The following PDZD2 variants were observed in gnomAD, a reference collection of about 807,000 sequenced individuals.
PDZD2 encodes the protein PDZ domain-containing protein 2.
A neutral mutation model predicts 220.7 loss-of-function variants in PDZD2; 90 were observed. That is an observed-to-expected ratio of 0.41 (90% CI 0.34 to 0.49). The LOEUF is 0.49. Ranked by LOEUF, PDZD2 falls within the 20% of genes least tolerant of loss-of-function variation. The probability of loss-of-function intolerance (pLI) is 0.28; values close to 1 mark genes in which losing one functional copy is unlikely to be tolerated. For synonymous variants in PDZD2, 1,375 were observed against 1,450.5 expected (o/e 0.95, Z 1.18); for missense variants, 3,174 against 3,608.5 (o/e 0.88, Z 3.08).
At chr5:31,964,848 T>C (rs10940985) in intron 2 of PDZD2, among the ~76,000 whole-genome samples, 70,948 of 152,002 alleles carry the variant, frequency 0.47, 16,964 homozygotes, top group East Asian at 0.8. Flanking sequence ...CCCGAGGAGC[T>C]GGGACTACAG....
At chr5:31,928,246 A>C (rs899703894) in intron 2 of PDZD2, among the ~76,000 whole-genome samples, 5 of 152,164 alleles carry the variant, frequency 3.3e-5, no homozygotes, top group African/African-American at 9.7e-5. Context: ...CATTTGATAA[A>C]GTAAGATTTG....
At chr5:32,053,541 A>G (rs1392963335) in intron 9 of PDZD2, among the ~76,000 whole-genome samples, 1 of 152,214 alleles carries the variant, frequency 6.6e-6, no homozygotes, top group East Asian at 1.9e-4. Flanking sequence ...CCTTAATGTA[A>G]TGCATGGCTA....
chr5:32,051,059 T>C (rs1200567900), intron 8 of PDZD2, among the ~76,000 whole-genome samples: 3 of 152,166 alleles, frequency 2.0e-5, no homozygotes, highest in African/African-American at 7.2e-5. Context: ...TCTAGAAAGT[T>C]CAAGGAGATC....
At chr5:31,697,392 A>G (rs1215576093) in intron 1 of PDZD2, among the ~76,000 whole-genome samples, 2 of 152,218 alleles carry the variant, frequency 1.3e-5, no homozygotes, top group African/African-American at 4.8e-5. Flanking sequence ...GAACCCTGGA[A>G]GCAGAGGTTG....
At chr5:31,793,041 T>A (rs1295012620) in intron 1 of PDZD2, among the ~76,000 whole-genome samples, 1 of 151,498 alleles carries the variant, frequency 6.6e-6, no homozygotes, top group Non-Finnish European at 1.5e-5. Flanking sequence ...TTTCACCATG[T>A]TGGCCAGGCT....
intron 1 of PDZD2, among the ~76,000 whole-genome samples, chr5:31,735,399 G>T (rs1362364820): frequency 6.6e-6 from 1 of 152,218 alleles, no homozygotes; most frequent in Non-Finnish European, 1.5e-5. Context: ...AGATAAAAGT[G>T]TAAGAGATGA....
At chr5:31,694,761 T>C (rs750138452) in intron 1 of PDZD2, among the ~76,000 whole-genome samples, 1 of 151,426 alleles carries the variant, frequency 6.6e-6, no homozygotes, top group Non-Finnish European at 1.5e-5. Flanking sequence ...TTTTTTCATA[T>C]GTTACATCCT....
chr5:31,740,884 G>C (rs58384754), intron 1 of PDZD2, among the ~76,000 whole-genome samples: 5 of 152,132 alleles, frequency 3.3e-5, no homozygotes, highest in Non-Finnish European at 7.3e-5. Flanking sequence ...CTTTTGTAAA[G>C]CATCAATGAT....
rs1231229195 is a variant in PDZD2, at chr5:31,646,961, C to T, written c.-361+7524C>T. 6.6e-6 allele frequency among the ~76,000 whole-genome samples: 1 copy of T among 152,172 alleles called. No homozygotes were observed. Among genetic ancestry groups the T allele is most frequent in the East Asian group, 1.9e-4 (1 of 5,196 alleles). ...GAGAGGAAGGTACTGGAAAGAATTG[C>T]ATTAACTCCTCTCTGGACTTACTGC... is the stretch of plus-strand genomic sequence containing the variant. On this transcript the variant is annotated intron_variant, in intron 1 of 24. Transcript: ENST00000438447. This position sits in a 1 kb window ranked among gnomAD's most constrained non-coding sequence, Gnocchi z 4.7.
intron 1 of PDZD2, among the ~76,000 whole-genome samples, chr5:31,703,808 C>T (rs1252690174): frequency 6.6e-6 from 1 of 152,210 alleles, no homozygotes; most frequent in African/African-American, 2.4e-5. Context: ...CAGCTTTCAA[C>T]ACAGTATGTG....
At chr5:31,746,419 G>T (rs1443826340) in intron 1 of PDZD2, among the ~76,000 whole-genome samples, 1 of 152,176 alleles carries the variant, frequency 6.6e-6, no homozygotes, top group African/African-American at 2.4e-5. Context: ...AATGTCCATC[G>T]TGGGTGCAGA....
chr5:31,762,593 G>A (rs1751718258), intron 1 of PDZD2, among the ~76,000 whole-genome samples: 1 of 152,090 alleles, frequency 6.6e-6, no homozygotes, highest in Admixed American at 6.6e-5. Flanking sequence ...TGGCTCCTAT[G>A]GGCACTTCTT....
intron 1 of PDZD2, among the ~76,000 whole-genome samples, chr5:31,667,892 C>T (rs1746063917): frequency 8.7e-6 from 1 of 114,844 alleles, no homozygotes; most frequent in African/African-American, 3.4e-5. Flanking sequence ...GATGGAATCT[C>T]GATCTCTCGC....
chr5:31,772,093 T>C (rs1011018704), intron 1 of PDZD2, among the ~76,000 whole-genome samples: 2 of 152,160 alleles, frequency 1.3e-5, no homozygotes, highest in Non-Finnish European at 2.9e-5. Context: ...ACAATCAGTA[T>C]GTCAGAATGT....
chr5:31,729,349 G>A (rs548415821), intron 1 of PDZD2, among the ~76,000 whole-genome samples: 1 of 150,920 alleles, frequency 6.6e-6, no homozygotes, highest in African/African-American at 2.4e-5. Context: ...CACCCGCCTC[G>A]GCCTCCCAAA....
chr5:32,014,191 A>G (rs184792534), intron 6 of PDZD2, among the ~76,000 whole-genome samples: 6 of 152,340 alleles, frequency 3.9e-5, no homozygotes, highest in Admixed American at 3.9e-4. Flanking sequence ...ACAGATGATG[A>G]TGATGAAACC....
chr5:31,889,519 G>A (rs1740817979), intron 2 of PDZD2, among the ~76,000 whole-genome samples: 1 of 152,206 alleles, frequency 6.6e-6, no homozygotes, highest in Admixed American at 6.5e-5. Context: ...GAAAATGTTT[G>A]AAATGCATTC....
intron 6 of PDZD2, among the ~76,000 whole-genome samples, chr5:32,019,766 T>G (rs190718039): frequency 6.6e-6 from 1 of 152,306 alleles, no homozygotes; most frequent in Non-Finnish European, 1.5e-5. Context: ...GAAAATAAAA[T>G]ATGAATCATT....
Position 32,074,388 on chromosome 5 carries a change from C to T in PDZD2, c.3282C>T (p.Asp1094=), listed in dbSNP as rs372687164. The T allele has an allele frequency of 1.5e-5, 24 of 1,614,086 alleles. No homozygotes were observed. The highest frequency in any genetic ancestry group is 1.8e-5 in the Non-Finnish European group (21 of 1,180,018). The change falls in exon 18 of 25, where the codon GAC becomes GAT. Residue 1094 remains aspartate (D), a synonymous_variant. Coordinates refer to ENST00000438447, the MANE Select transcript of PDZD2 (RefSeq NM_178140.4). ...APKLEYTVRT[D]TQSPTNTGSP... ...AATTGGAATACACAGTCCGTACAGACACCCAGAGTCCGACGAACACTGGGA... is the reference window on the plus strand; with the variant it reads ...AATTGGAATACACAGTCCGTACAGATACCCAGAGTCCGACGAACACTGGGA...
Sources: gnomAD v4.1 joint callset for allele counts (sites outside exome capture counted in the v4.1 genomes callset) on GRCh38, gnomAD v4.1.1 for gene constraint, Gnocchi (gnomAD v3.1) non-coding constraint, MANE v1.5 for transcripts, NCBI Gene and HGNC (gene_info 2026-07-23, HGNC 2026-07-21) for gene names.